Variants in ZNF549 observed in about 807,000 individuals in gnomAD.
ZNF549 encodes the protein zinc finger protein 549.
A neutral mutation model predicts 11.1 loss-of-function variants in ZNF549; 11 were observed. The ratio of observed to expected loss-of-function variants is 0.99; its 90% CI spans 0.62 to 1.64. ZNF549 has a LOEUF of 1.64. Ranked by LOEUF, ZNF549 falls within the 40% of genes most tolerant of loss-of-function variation. The pLI is 0.00. For missense variants in ZNF549, 748 were observed against 765.1 expected (o/e 0.98, Z 0.26); for synonymous variants, 266 against 269.1 (o/e 0.99, Z 0.11).
At position 57,537,648 on chromosome 19, in the gene ZNF549, A is replaced by G; in HGVS notation, c.644A>G (p.Glu215Gly). The stretch of plus-strand genomic sequence containing the variant: ...CAAGAGTATGCACATAGAAGCAGGG[A>G]GACCTTTCAACAAAGACGTTACAAA... ...SRQEYAHRSRETFQQRRYKCE... is the reference protein window; with the variant it reads ...SRQEYAHRSRGTFQQRRYKCE... The change falls in exon 4 of 4, where the codon GAG becomes GGG. Residue 215 changes from glutamate to glycine, a missense_variant. Glu to Gly is a moderately conservative substitution (Grantham distance 98, BLOSUM62 -2). Coordinates refer to ENST00000376233, the MANE Select transcript of ZNF549 (RefSeq NM_001199295.2). 1 of 1,614,246 alleles carries G rather than the reference A, an allele frequency of 6.2e-7. No individual in the cohort carries two copies. The highest frequency in any genetic ancestry group is 8.5e-7 in the Non-Finnish European group (1 of 1,180,040).
intron 2 of ZNF549, among the ~76,000 whole-genome samples, chr19:57,534,248 A>G (rs2089915116): frequency 6.6e-6 from 1 of 152,204 alleles, no homozygotes; most frequent in Non-Finnish European, 1.5e-5. Context: ...TGGGGGTAGG[A>G]TGAAACGGGT....
chr19:57,536,828 G>A (rs1469105228), intron 3 of ZNF549, among the ~76,000 whole-genome samples: 1 of 152,158 alleles, frequency 6.6e-6, no homozygotes, highest in East Asian at 1.9e-4. Context: ...AATGGCTCGT[G>A]CCTATAATCC....
Position 57,538,990 on chromosome 19 carries a change from G to T in ZNF549, c.*63G>T. 1 of 1,504,556 alleles carries T rather than the reference G, an allele frequency of 6.6e-7. No individual in the cohort carries two copies. The highest frequency in any genetic ancestry group is 1.3e-5 in the South Asian group (1 of 77,200). The allele number at this position is 1,504,556 out of a possible 1,614,324, so 93.2% of individuals were successfully genotyped here. On this transcript the variant is annotated 3_prime_UTR_variant, in exon 4 of 4. Transcript: ENST00000376233. Reference sequence around the variant, plus strand: ...GACACCAGAGAGCTGATTTTTCAAGGGATCCAACAGACAGAAATTCACCCT... The same window carrying T: ...GACACCAGAGAGCTGATTTTTCAAGTGATCCAACAGACAGAAATTCACCCT...
chr19:57,529,696 C>T (rs2089895280), intron 1 of ZNF549, among the ~76,000 whole-genome samples: 1 of 152,018 alleles, frequency 6.6e-6, no homozygotes, highest in Admixed American at 6.6e-5. Context: ...ACCATCCTGG[C>T]TAACATGGTG....
At chr19:57,534,906 A>G (rs565981116) in intron 2 of ZNF549, among the ~76,000 whole-genome samples, 1 of 152,264 alleles carries the variant, frequency 6.6e-6, no homozygotes, top group East Asian at 1.9e-4. Context: ...TGTACTCAGG[A>G]TCCTCGTACT....
Position 57,531,015 on chromosome 19 carries a change from C to T in ZNF549, c.34-55C>T, listed in dbSNP as rs371974530. The T allele has an allele frequency of 8.5e-5, 133 of 1,567,178 alleles. 1 individual carries two copies. The South Asian group carries it at 1.2e-3, about 14-fold the overall frequency. On this transcript the variant is annotated intron_variant, in intron 1 of 3. Transcript: ENST00000376233. ...CACACAGTTGGCAAGAGCAACTTAC[C>T]CTTTGTAAATGCCACCTTGAACACC... is the stretch of plus-strand genomic sequence containing the variant.
chr19:57,530,202 T>TA (rs2089898251), intron 1 of ZNF549, among the ~76,000 whole-genome samples: 2 of 152,148 alleles, frequency 1.3e-5, no homozygotes, highest in African/African-American at 4.8e-5. Context: ...ATTTGAACTT[T>TA]GAGCCCCACC....
At position 57,538,853 on chromosome 19, in the gene ZNF549, A is replaced by C. The variant is rs1384309870; in HGVS notation, c.1849A>C (p.Lys617Gln). ...HTGEKPYECG[K>Q]CGKAFNKRYS... ...CGGAGAAAAGCCGTATGAATGTGGT[A>C]AATGTGGGAAAGCCTTCAACAAAAG... Residue 617 changes from lysine to glutamine, a missense_variant, in exon 4 of 4, where the codon AAA (lysine) becomes CAA (glutamine). Lys to Gln is a moderately conservative substitution (Grantham distance 53). Coordinates refer to ENST00000376233, the MANE Select transcript of ZNF549 (RefSeq NM_001199295.2). The C allele has an allele frequency of 1.2e-6, 2 of 1,612,988 alleles. No individual in the cohort carries two copies. Among genetic ancestry groups the C allele is most frequent in the Non-Finnish European group, 1.7e-6 (2 of 1,180,046 alleles).
At chr19:57,533,087 C>T (rs1438729888) in intron 2 of ZNF549, among the ~76,000 whole-genome samples, 1 of 152,102 alleles carries the variant, frequency 6.6e-6, no homozygotes, top group East Asian at 1.9e-4. Flanking sequence ...TCAGGTGATC[C>T]ACCCGCCTTG....
chr19:57,540,823 TTTTCATTCACCTTA>T lies in ZNF549; in HGVS notation c.*1906_*1919del, dbSNP rs1034614348. On this transcript the variant is annotated 3_prime_UTR_variant, in exon 4 of 4. Coordinates refer to ENST00000376233, the MANE Select transcript of ZNF549 (RefSeq NM_001199295.2). ...GTGTGTATATATTCTATTTTGTGTG[TTTTCATTCACCTTA>T]TTTCATTCAGTCTTCCAAATGAAAT... is the stretch of plus-strand genomic sequence containing the variant. 4.6e-5 allele frequency: 7 copies of T among 152,198 alleles called. No homozygotes were observed. The highest frequency in any genetic ancestry group is 1.7e-4 in the African/African-American group (7 of 41,450). 9.4% of individuals were successfully genotyped at this position (152,198 alleles called of 1,614,324 possible).
At chr19:57,527,640 C>G (rs1035333575) in intron 1 of ZNF549, 34 bp downstream of exon 1, 6 of 1,610,174 alleles carry the variant, frequency 3.7e-6, no homozygotes, top group Non-Finnish European at 5.1e-6. Context: ...TCACCTGGGT[C>G]CTGAGGCCCC....
chr19:57,538,568 A>G lies in ZNF549; in HGVS notation c.1564A>G (p.Ile522Val), dbSNP rs1364512554. 25 of 1,614,104 alleles carry G rather than the reference A, an allele frequency of 1.5e-5. No homozygotes were observed. Among genetic ancestry groups the G allele is most frequent in the Non-Finnish European group, 2.1e-5 (25 of 1,180,048 alleles). Reference protein sequence around the residue: ...LEVKLLQHQRIHTREQLCECN... With the variant: ...LEVKLLQHQRVHTREQLCECN... ...GGTTAAACTTCTTCAGCACCAAAGA[A>G]TCCATACTAGAGAACAACTTTGTGA... The change falls in exon 4 of 4, where the codon ATC (isoleucine) becomes GTC (valine). Residue 522 changes from isoleucine (I) to valine (V), a missense_variant. Ile to Val is a conservative substitution (Grantham distance 29, BLOSUM62 3). Coordinates refer to ENST00000376233, the MANE Select transcript of ZNF549 (RefSeq NM_001199295.2).
rs944771352 is a variant in ZNF549, at chr19:57,538,275, A to T, written c.1271A>T (p.Lys424Met). 3 of 1,613,892 alleles carry T rather than the reference A, an allele frequency of 1.9e-6. No individual in the cohort carries two copies. Among genetic ancestry groups the T allele is most frequent in the Middle Eastern group, 3.3e-4 (2 of 6,084 alleles). ...ERPYECKECGKAFIHKKRLLE... is the reference protein window; with the variant it reads ...ERPYECKECGMAFIHKKRLLE... ...CCTTATGAGTGCAAAGAATGTGGGA[A>T]GGCCTTCATTCACAAAAAAAGACTT... is the stretch of plus-strand genomic sequence containing the variant. The change falls in exon 4 of 4, where the codon AAG becomes ATG. Residue 424 changes from lysine to methionine, a missense_variant. Coordinates refer to ENST00000376233, the MANE Select transcript of ZNF549 (RefSeq NM_001199295.2).
chr19:57,535,323 C>G lies in ZNF549; in HGVS notation c.199+53C>G, dbSNP rs770107390. On this transcript the variant is annotated intron_variant, in intron 3 of 3. Transcript: ENST00000376233. Reference sequence around the variant, plus strand: ...ACCTCTGCTGGACTCTGCTCTTCCCCTTTTTCCAGGAGTTTCCTGTCTTTC... The same window carrying G: ...ACCTCTGCTGGACTCTGCTCTTCCCGTTTTTCCAGGAGTTTCCTGTCTTTC... 84 of 1,558,238 alleles carry G rather than the reference C, an allele frequency of 5.4e-5. No homozygotes were observed. The African/African-American group carries it at 9.6e-4, about 18-fold the overall frequency.
Position 57,537,275 on chromosome 19 carries a change from G to C in ZNF549, c.271G>C (p.Ala91Pro). 1 of 1,614,196 alleles carries C rather than the reference G, an allele frequency of 6.2e-7. No homozygotes were observed. Among genetic ancestry groups the C allele is most frequent in the Non-Finnish European group, 8.5e-7 (1 of 1,180,036 alleles). ...QTLSAQGVSQ[A>P]RTPKLGPSIP... Reference sequence around the variant, plus strand: ...TCTTTCTGCGCAAGGAGTGTCACAGGCCAGGACTCCAAAGCTAGGTCCTTC... The same window carrying C: ...TCTTTCTGCGCAAGGAGTGTCACAGCCCAGGACTCCAAAGCTAGGTCCTTC... Residue 91 changes from alanine to proline, a missense_variant, in exon 4 of 4, where the codon GCC becomes CCC. Coordinates refer to ENST00000376233, the MANE Select transcript of ZNF549 (RefSeq NM_001199295.2).
In ZNF549 at chr19:57,539,349, T is replaced by C. The variant is rs900660594; in HGVS notation, c.*422T>C. On this transcript the variant is annotated 3_prime_UTR_variant, in exon 4 of 4. Transcript: ENST00000376233. ...ATGGAGGTTTACCTTCTTCATAGGT[T>C]TTTTTTTTTTTTATGTGATTGCCAT... The C allele has an allele frequency of 1.4e-5, 2 of 145,062 alleles. No homozygotes were observed. The highest frequency in any genetic ancestry group is 6.0e-5 in the African/African-American group (2 of 33,174). 9.0% of individuals were successfully genotyped at this position (145,062 alleles called of 1,614,324 possible).
chr19:57,537,688 C>T lies in ZNF549; in HGVS notation c.684C>T (p.Phe228=). 12 of 1,614,138 alleles carry T rather than the reference C, an allele frequency of 7.4e-6. No individual in the cohort carries two copies. Among genetic ancestry groups the T allele is most frequent in the Non-Finnish European group, 1.0e-5 (12 of 1,180,038 alleles). The change falls in exon 4 of 4, where the codon TTC becomes TTT. Residue 228 remains phenylalanine (F), a synonymous_variant. Transcript: ENST00000376233. ...GACGTTACAAATGTGAGCAAGTTTT[C>T]AATGAGAAAGTTCATGTTACTGAGC... The part of the protein sequence containing the change: ...QQRRYKCEQV[F]NEKVHVTEHQ...
At chr19:57,530,992 C>A in intron 1 of ZNF549, 78 bp from the exon 2 acceptor site, 1 of 1,400,482 alleles carries the variant, frequency 7.1e-7, no homozygotes, top group Non-Finnish European at 1.0e-6. Flanking sequence ...TCTAGTGTCA[C>A]ACAGTTGGCA....
In ZNF549 at chr19:57,527,485, G is replaced by A. The variant is rs1030726472; in HGVS notation, c.-89G>A. The A allele has an allele frequency of 5.1e-6, 8 of 1,572,502 alleles. No individual in the cohort carries two copies. The highest frequency in any genetic ancestry group is 1.7e-5 in the Admixed American group (1 of 58,302). On this transcript the variant is annotated 5_prime_UTR_variant, in exon 1 of 4. Coordinates refer to ENST00000376233, the MANE Select transcript of ZNF549 (RefSeq NM_001199295.2). ...AGAGGAGCTTGCCTGGTCTCGGTCT[G>A]AGCGTCGCCCAGCGATTTGCCACCG... is the stretch of plus-strand genomic sequence containing the variant.
Sources: allele counts gnomAD v4.1 joint callset (sites outside exome capture counted in the v4.1 genomes callset), GRCh38; gene constraint gnomAD v4.1.1; transcripts MANE v1.5; gene names NCBI Gene and HGNC (gene_info 2026-07-23, HGNC 2026-07-21).